TCOF1: variants seen among roughly 807,000 people sequenced by gnomAD.
TCOF1 encodes treacle ribosome biogenesis factor 1.
TCOF1 carries 33 observed loss-of-function variants against 149.0 expected under a neutral mutation model. That is an observed-to-expected ratio of 0.22 (90% CI 0.17 to 0.30). TCOF1 has a LOEUF of 0.30. Ranked by LOEUF, TCOF1 falls within the 10% of genes least tolerant of loss-of-function variation. The pLI is 1.00. For synonymous variants in TCOF1, 789 were observed against 738.8 expected, an observed-to-expected ratio of 1.07 and a Z score of -1.10; for missense variants, 1,728 against 1,840.7, an observed-to-expected ratio of 0.94 and a Z score of 1.12.
chr5:150,387,516 C>T (rs1766530030), intron 17 of TCOF1, among the ~76,000 whole-genome samples: 1 of 151,406 alleles, frequency 6.6e-6, no homozygotes, highest in Non-Finnish European at 1.5e-5. Flanking sequence ...CAGCAAGTAA[C>T]TGTTTCTGAA....
intron 17 of TCOF1, chr5:150,380,515 C>T (rs1764919090): frequency 6.5e-6 from 1 of 152,738 alleles, no homozygotes; most frequent in African/African-American, 2.4e-5. Context: ...GCAGGCGCAT[C>T]TTCTCAGGCA....
intron 17 of TCOF1, among the ~76,000 whole-genome samples, chr5:150,386,184 C>T (rs1475415717): frequency 6.6e-6 from 1 of 152,232 alleles, no homozygotes; most frequent in Non-Finnish European, 1.5e-5. Flanking sequence ...CCTCCTACGG[C>T]CCAGAGGCCC....
At position 150,374,637 on chromosome 5, in the gene TCOF1, C is replaced by T; in HGVS notation, c.1104C>T (p.Thr368=). The stretch of plus-strand genomic sequence containing the variant: ...TCCAGGCGAAGGCCTCAGGAAAAAC[C>T]TCTCAGGTCGGAGCTGCCTCAGCCC... ...ALLQAKASGK[T]SQVGAASAPA... The change falls in exon 9 of 27, where the codon ACC becomes ACT. Residue 368 remains threonine (T), a synonymous_variant. Coordinates refer to ENST00000643257, the MANE Select transcript of TCOF1 (RefSeq NM_001371623.1). The T allele has an allele frequency of 1.2e-6, 2 of 1,611,408 alleles. No individual in the cohort carries two copies. The highest frequency in any genetic ancestry group is 1.7e-6 in the Non-Finnish European group (2 of 1,179,162).
intron 22 of TCOF1, chr5:150,393,049 C>T: frequency 1.7e-6 from 1 of 595,334 alleles, no homozygotes; most frequent in Non-Finnish European, 3.0e-6. Flanking sequence ...TGGGTGATGT[C>T]CGGACAAAAA....
rs368414066 is a variant in TCOF1, at chr5:150,372,072, A to G, written c.706A>G (p.Arg236Gly). ...SSVSTKESPA[R>G]KAAPAPGKVG... ...AGTTTCTACTAAGGAGTCTCCAGCA[A>G]GAAAGGCGGCCCCAGCCCCTGGGAA... The change falls in exon 7 of 27, where the codon AGA (arginine) becomes GGA (glycine). Residue 236 changes from arginine to glycine, a missense_variant. Arg to Gly is a moderately radical substitution (Grantham distance 125, BLOSUM62 -2). Coordinates refer to ENST00000643257, the MANE Select transcript of TCOF1 (RefSeq NM_001371623.1). The G allele has an allele frequency of 3.1e-6, 5 of 1,614,136 alleles. No homozygotes were observed. The African/African-American group carries it at 5.3e-5, about 17-fold the overall frequency.
intron 17 of TCOF1, chr5:150,384,549 A>T (rs188622530): frequency 1.0e-6 from 1 of 985,404 alleles, no homozygotes. Flanking sequence ...TCTCTGAGGG[A>T]TCTAAACAAC....
intron 7 of TCOF1, 60 bp from the exon 8 acceptor site, chr5:150,374,114 A>G: frequency 1.3e-6 from 2 of 1,546,794 alleles, no homozygotes; most frequent in African/African-American, 1.4e-5. Context: ...CTTTATCCTA[A>G]AGGCATCACC....
At chr5:150,392,902 G>A in intron 22 of TCOF1, 112 bp downstream of exon 22, 1 of 1,309,828 alleles carries the variant, frequency 7.6e-7, no homozygotes, top group Non-Finnish European at 1.1e-6. Flanking sequence ...TCTCTTCACA[G>A]AGGCCTTGGG....
rs745458289 is a variant in TCOF1, at chr5:150,375,859, T to C, written c.1843T>C (p.Ser615Pro). The change falls in exon 12 of 27, where the codon TCG (serine) becomes CCG (proline). Residue 615 changes from serine to proline, a missense_variant. This residue lies in a region of TCOF1 where 1,696 missense variants were observed against 1,765.4 expected (regional missense o/e 0.96). Transcript: ENST00000643257. Reference sequence around the variant, plus strand: ...CAACTCGGAGAGCAGCGAGGAGTCATCGGACAGTGCGGACAGTGAGGAGGC... The same window carrying C: ...CAACTCGGAGAGCAGCGAGGAGTCACCGGACAGTGCGGACAGTGAGGAGGC... ...MDNSESSEES[S>P]DSADSEEAPA... 2.5e-6 allele frequency: 4 copies of C among 1,613,786 alleles called. No individual in the cohort carries two copies. Among genetic ancestry groups the C allele is most frequent in the Middle Eastern group, 1.6e-4 (1 of 6,062 alleles).
chr5:150,391,396 C>G, intron 19 of TCOF1, 148 bp from the exon 20 acceptor site: 1 of 751,164 alleles, frequency 1.3e-6, no homozygotes, highest in Non-Finnish European at 2.4e-6. Flanking sequence ...CGCTCATAAC[C>G]TGAAGCCTGC....
intron 6 of TCOF1, among the ~76,000 whole-genome samples, chr5:150,370,133 C>T (rs1762206796): frequency 6.6e-6 from 1 of 152,142 alleles, no homozygotes; most frequent in Non-Finnish European, 1.5e-5. Context: ...TTATTGTGTA[C>T]CTACTAAGTG....
In TCOF1 at chr5:150,387,886, G is replaced by A; in HGVS notation, c.2860-16G>A. 1 of 1,613,674 alleles carries A rather than the reference G, an allele frequency of 6.2e-7. No homozygotes were observed. The highest frequency in any genetic ancestry group is 8.5e-7 in the Non-Finnish European group (1 of 1,180,010). The stretch of plus-strand genomic sequence containing the variant: ...CCTTTAATCACTGGGGGGGTGTTTT[G>A]TTTTTGTTTTTCAAGGTGATTAAAC... On this transcript the variant is annotated splice_polypyrimidine_tract_variant and intron_variant, in intron 17 of 26. Coordinates refer to ENST00000643257, the MANE Select transcript of TCOF1 (RefSeq NM_001371623.1).
intron 1 of TCOF1, among the ~76,000 whole-genome samples, chr5:150,359,046 T>G (rs997897191): frequency 2.0e-5 from 3 of 149,660 alleles, no homozygotes; most frequent in Admixed American, 6.7e-5. Flanking sequence ...AAAAAAAAAT[T>G]TTTTTTAAGT....
At chr5:150,387,570 C>G (rs761161612) in intron 17 of TCOF1, among the ~76,000 whole-genome samples, 2 of 152,232 alleles carry the variant, frequency 1.3e-5, no homozygotes, top group African/African-American at 2.4e-5. Flanking sequence ...CTGGCCGTGG[C>G]TTTGCTTCCA....
At chr5:150,393,124 T>C in intron 22 of TCOF1, 1 of 593,492 alleles carries the variant, frequency 1.7e-6, no homozygotes, top group South Asian at 2.0e-5. Flanking sequence ...AATTTTCCAT[T>C]TGTATTAATA....
intron 24 of TCOF1, 138 bp from the exon 25 acceptor site, chr5:150,398,216 C>T (rs959635466): frequency 1.9e-6 from 3 of 1,553,748 alleles, no homozygotes; most frequent in Non-Finnish European, 1.7e-6. Flanking sequence ...ACCTCCACGC[C>T]CCGCCCTGCT....
intron 22 of TCOF1, 47 bp downstream of exon 22, chr5:150,392,837 G>C (rs1767719765): frequency 2.5e-6 from 4 of 1,596,588 alleles, no homozygotes; most frequent in Non-Finnish European, 3.4e-6. Context: ...TTAGGGTGGA[G>C]CCCCAGGCCA....
intron 5 of TCOF1, among the ~76,000 whole-genome samples, 200 bp downstream of exon 5, chr5:150,369,102 G>A (rs1761986455): frequency 6.6e-6 from 1 of 152,252 alleles, no homozygotes; most frequent in South Asian, 2.1e-4. Context: ...AGGCTGAACA[G>A]CCCACCTGGT....
chr5:150,368,818 G>A lies in TCOF1; in HGVS notation c.481G>A (p.Ala161Thr), dbSNP rs370631849. 6.2e-7 allele frequency: 1 copy of A among 1,614,092 alleles called. No individual in the cohort carries two copies. Among genetic ancestry groups the A allele is most frequent in the Non-Finnish European group, 8.5e-7 (1 of 1,180,028 alleles). The change falls in exon 5 of 27, where the codon GCA (alanine) becomes ACA (threonine). Residue 161 changes from alanine (A) to threonine (T), a missense_variant. Ala to Thr is a moderately conservative substitution (Grantham distance 58). Transcript: ENST00000643257. Reference protein sequence around the residue: ...LLSGKSPRKSAEPSANTTLVS... With the variant: ...LLSGKSPRKSTEPSANTTLVS... ...TTCTGGGAAGTCTCCCAGGAAGTCA[G>A]CAGAGCCCTCAGCAAATACTACGTT... is the stretch of plus-strand genomic sequence containing the variant.
Sources: allele counts gnomAD v4.1 joint callset (sites outside exome capture counted in the v4.1 genomes callset), GRCh38; gene constraint gnomAD v4.1.1; regional missense constraint gnomAD v4.1.1; transcripts MANE v1.5; gene names NCBI Gene and HGNC (gene_info 2026-07-23, HGNC 2026-07-21).